ENOX1: variants seen among roughly 807,000 people sequenced by gnomAD.
The protein encoded by ENOX1 is ecto-NOX disulfide-thiol exchanger 1.
Under a neutral mutation model 82.5 loss-of-function variants are expected in ENOX1, and 42 were observed. The ratio of observed to expected loss-of-function variants is 0.51; its 90% CI spans 0.40 to 0.66. ENOX1 has a LOEUF of 0.66. Among genes scored for constraint, ENOX1 ranks in the 30% least tolerant of loss-of-function variants. The pLI is 0.00. For synonymous variants in ENOX1, 271 were observed against 282.2 expected (o/e 0.96, Z 0.40); for missense variants, 608 against 811.6 (o/e 0.75, Z 3.05).
chr13:43,684,688 C>T (rs1324221595), intron 1 of ENOX1, among the ~76,000 whole-genome samples: 1 of 152,118 alleles, frequency 6.6e-6, no homozygotes, highest in Non-Finnish European at 1.5e-5. Flanking sequence ...CACTTGAATT[C>T]CCATGTTTAC....
chr13:43,521,645 T>C (rs962078012), intron 2 of ENOX1, among the ~76,000 whole-genome samples: 3 of 152,160 alleles, frequency 2.0e-5, no homozygotes, highest in Non-Finnish European at 2.9e-5. Context: ...TACTTTGCCC[T>C]GGAAGGTCCT....
chr13:43,360,842 G>C (rs1265543818), intron 6 of ENOX1, among the ~76,000 whole-genome samples: 1 of 152,108 alleles, frequency 6.6e-6, no homozygotes, highest in Non-Finnish European at 1.5e-5. Flanking sequence ...ATTTGGTCCA[G>C]AAACTCTGAG....
chr13:43,678,195 T>G (rs1162347899), intron 1 of ENOX1, among the ~76,000 whole-genome samples: 1 of 152,172 alleles, frequency 6.6e-6, no homozygotes, highest in Non-Finnish European at 1.5e-5. Context: ...CAATATGAAA[T>G]TTTTAAAATG....
chr13:43,780,690 C>G (rs1200012924), intron 1 of ENOX1, among the ~76,000 whole-genome samples: 4 of 152,234 alleles, frequency 2.6e-5, no homozygotes, highest in Non-Finnish European at 4.4e-5. Context: ...GGCACAAACA[C>G]CTGGAATTAT....
intron 12 of ENOX1, among the ~76,000 whole-genome samples, chr13:43,293,255 CCA>C (rs2046104310): frequency 1.3e-5 from 2 of 152,124 alleles, no homozygotes; most frequent in African/African-American, 2.4e-5. Flanking sequence ...ACCGTCACTA[CCA>C]CAGTCACCAC....
At chr13:43,539,258 G>A (rs1361982196) in intron 2 of ENOX1, among the ~76,000 whole-genome samples, 3 of 151,928 alleles carry the variant, frequency 2.0e-5, no homozygotes, top group African/African-American at 7.3e-5. Flanking sequence ...CTAAGTTTTT[G>A]AGATGAATGT....
intron 2 of ENOX1, among the ~76,000 whole-genome samples, chr13:43,645,231 C>T (rs2083839581): frequency 1.3e-5 from 2 of 152,150 alleles, no homozygotes; most frequent in African/African-American, 4.8e-5. Flanking sequence ...AATCATCGCT[C>T]ATGGCAGTCT....
chr13:43,402,608 C>T (rs1265284573), intron 5 of ENOX1, among the ~76,000 whole-genome samples: 2 of 152,156 alleles, frequency 1.3e-5, no homozygotes, highest in Non-Finnish European at 2.9e-5. Flanking sequence ...GTATGTAACA[C>T]ACTGTAAACT....
At chr13:43,755,742 A>G (rs1443341606) in intron 1 of ENOX1, among the ~76,000 whole-genome samples, 1 of 152,180 alleles carries the variant, frequency 6.6e-6, no homozygotes, top group Non-Finnish European at 1.5e-5. Context: ...ATCATCCACA[A>G]TTGTTTTCTA....
At chr13:43,523,332 A>G (rs998086693) in intron 2 of ENOX1, among the ~76,000 whole-genome samples, 8 of 152,170 alleles carry the variant, frequency 5.3e-5, no homozygotes, top group African/African-American at 1.7e-4. Flanking sequence ...ATAGTTTACA[A>G]CATCTGCTCT....
chr13:43,737,820 T>G (rs1302358863), intron 1 of ENOX1, among the ~76,000 whole-genome samples: 1 of 152,148 alleles, frequency 6.6e-6, no homozygotes, highest in Non-Finnish European at 1.5e-5. Context: ...TACAGCTAAT[T>G]TGCCAATTAC....
intron 2 of ENOX1, among the ~76,000 whole-genome samples, chr13:43,490,597 G>A (rs1421220553): frequency 6.6e-6 from 1 of 152,168 alleles, no homozygotes; most frequent in African/African-American, 2.4e-5. Flanking sequence ...AGGTAAATGA[G>A]ATTAAGGACC....
At chr13:43,416,962 A>C (rs916482180) in intron 3 of ENOX1, among the ~76,000 whole-genome samples, 2 of 152,164 alleles carry the variant, frequency 1.3e-5, no homozygotes, top group Non-Finnish European at 2.9e-5. Flanking sequence ...CAATCCCAGC[A>C]CCTCGGGAGG....
chr13:43,371,513 G>C (rs1204452967), intron 5 of ENOX1, among the ~76,000 whole-genome samples: 2 of 152,176 alleles, frequency 1.3e-5, no homozygotes, highest in Non-Finnish European at 2.9e-5. Flanking sequence ...TTCACAGCAT[G>C]TAAATGTCTT....
chr13:43,265,350 C>A, intron 14 of ENOX1, 48 bp downstream of exon 14: 1 of 1,541,774 alleles, frequency 6.5e-7, no homozygotes, highest in South Asian at 1.2e-5. Context: ...CCCATGTGTT[C>A]AACCAACGTC....
chr13:43,397,175 A>C (rs1397265512), intron 5 of ENOX1, among the ~76,000 whole-genome samples: 1 of 152,222 alleles, frequency 6.6e-6, no homozygotes, highest in Non-Finnish European at 1.5e-5. Context: ...ACAAGGATGA[A>C]ATCATCGTTT....
intron 1 of ENOX1, among the ~76,000 whole-genome samples, chr13:43,712,529 T>C (rs921198049): frequency 6.6e-6 from 1 of 150,752 alleles, no homozygotes; most frequent in African/African-American, 2.4e-5. Context: ...TTTCATGATA[T>C]TGATTCTTCC....
chr13:43,284,666 G>T (rs886591500), intron 12 of ENOX1, among the ~76,000 whole-genome samples: 1 of 152,012 alleles, frequency 6.6e-6, no homozygotes, highest in Non-Finnish European at 1.5e-5. Context: ...ATTTATAAGC[G>T]CTACTTATTA....
At chr13:43,539,149 T>C (rs9590771) in intron 2 of ENOX1, among the ~76,000 whole-genome samples, 35,871 of 152,114 alleles carry the variant, frequency 0.24, 4,466 homozygotes, top group Middle Eastern at 0.29. Flanking sequence ...ATTTCTGCTG[T>C]ACATTTATTT....
Sources: allele counts gnomAD v4.1 joint callset (sites outside exome capture counted in the v4.1 genomes callset), GRCh38; gene constraint gnomAD v4.1.1; transcripts MANE v1.5; gene names NCBI Gene and HGNC (gene_info 2026-07-23, HGNC 2026-07-21).